The following CDC42SE2 variants were observed in gnomAD, a reference collection of about 807,000 sequenced individuals.
The protein encoded by CDC42SE2 is CDC42 small effector 2.
Under a neutral mutation model 11.5 loss-of-function variants are expected in CDC42SE2, and 3 were observed. That is an observed-to-expected ratio of 0.26 (90% CI 0.12 to 0.67). The LOEUF (loss-of-function observed/expected upper bound fraction) is 0.67. Among genes scored for constraint, CDC42SE2 ranks in the 30% least tolerant of loss-of-function variants. The pLI is 0.80. For synonymous variants in CDC42SE2, 33 were observed against 34.8 expected, an observed-to-expected ratio of 0.95 and a Z score of 0.18; for missense variants, 82 against 106.8, an observed-to-expected ratio of 0.77 and a Z score of 1.02.
intron 1 of CDC42SE2, among the ~76,000 whole-genome samples, chr5:131,311,311 C>A (rs181790933): frequency 5.9e-5 from 9 of 151,812 alleles, no homozygotes; most frequent in South Asian, 2.1e-4. Flanking sequence ...CCGAGAGATC[C>A]GCTGTTAGTC....
chr5:131,236,976 A>G, the CDC42SE2 span, among the ~76,000 whole-genome samples: 6 of 152,300 alleles, frequency 3.9e-5, no homozygotes, highest in South Asian at 4.1e-4. Flanking sequence ...TTACTCCTCT[A>G]TTTCATATTT....
intron 1 of CDC42SE2, among the ~76,000 whole-genome samples, chr5:131,271,884 C>T (rs1256595338): frequency 6.6e-6 from 1 of 152,186 alleles, no homozygotes; most frequent in East Asian, 1.9e-4. Context: ...TCTGTTCCAG[C>T]ATACATCTGG....
At chr5:131,351,030 C>T (rs921930691) in intron 2 of CDC42SE2, among the ~76,000 whole-genome samples, 2 of 152,024 alleles carry the variant, frequency 1.3e-5, no homozygotes, top group Admixed American at 6.6e-5. Flanking sequence ...ACTGCAGCCT[C>T]AACCTCCCAG....
chr5:131,242,911 C>A (rs769464897), upstream of CDC42SE2, among the ~76,000 whole-genome samples: 37 of 152,132 alleles, frequency 2.4e-4, no homozygotes, highest in Non-Finnish European at 4.3e-4. Context: ...ACATTGTGAA[C>A]AAAGGGCACA....
intron 1 of CDC42SE2, among the ~76,000 whole-genome samples, chr5:131,306,163 G>C (rs569815173): frequency 7.2e-5 from 11 of 152,294 alleles, no homozygotes; most frequent in African/African-American, 2.6e-4. Context: ...GTGCCGTCCT[G>C]CCTTGTCCTG....
At chr5:131,312,798 C>T (rs1757953258) in intron 1 of CDC42SE2, among the ~76,000 whole-genome samples, 1 of 152,116 alleles carries the variant, frequency 6.6e-6, no homozygotes, top group African/African-American at 2.4e-5. Context: ...CCTACTTTGG[C>T]TTGCAAACGG....
At chr5:131,311,636 T>G (rs1025551190) in intron 1 of CDC42SE2, among the ~76,000 whole-genome samples, 1 of 152,200 alleles carries the variant, frequency 6.6e-6, no homozygotes, top group Non-Finnish European at 1.5e-5. Flanking sequence ...AAGACTTTGC[T>G]CGTTTCTTTT....
At chr5:131,327,129 AACTC>A (rs895079321) in intron 2 of CDC42SE2, among the ~76,000 whole-genome samples, 2 of 152,186 alleles carry the variant, frequency 1.3e-5, no homozygotes, top group Non-Finnish European at 2.9e-5. Context: ...CCTTTTGACT[AACTC>A]CATTCCTGCT....
chr5:131,392,357 G>T lies in CDC42SE2; in HGVS notation c.*1266G>T, dbSNP rs886966972. 4 of 152,670 alleles carry T rather than the reference G, an allele frequency of 2.6e-5. No individual in the cohort carries two copies. Among genetic ancestry groups the T allele is most frequent in the African/African-American group, 9.7e-5 (4 of 41,414 alleles). 9.5% of individuals were successfully genotyped at this position (152,670 alleles called of 1,614,324 possible). A position where few individuals can be genotyped will look rare whatever the true frequency, so the allele number is the denominator to read the frequency against. ...AGATATCTGCATGCTTTATGAAGTTGTTGCTTCGGTAAGAGCCCATGGGAT... is the reference window on the plus strand; with the variant it reads ...AGATATCTGCATGCTTTATGAAGTTTTTGCTTCGGTAAGAGCCCATGGGAT... On this transcript the variant is annotated 3_prime_UTR_variant, in exon 5 of 5. Coordinates refer to ENST00000505065, the MANE Select transcript of CDC42SE2 (RefSeq NM_001375635.1).
chr5:131,387,158 TAA>T (rs1750511492), intron 4 of CDC42SE2, among the ~76,000 whole-genome samples: 1 of 152,186 alleles, frequency 6.6e-6, no homozygotes, highest in Admixed American at 6.5e-5. Context: ...GTTACTATAA[TAA>T]AGAGAATGGG....
At position 131,391,145 on chromosome 5, in the gene CDC42SE2, A is replaced by AT; in HGVS notation, c.*54_*55insT. On this transcript the variant is annotated 3_prime_UTR_variant, in exon 5 of 5. Coordinates refer to ENST00000505065, the MANE Select transcript of CDC42SE2 (RefSeq NM_001375635.1). ...GAGCTGGGGTCTGGACCTGACGGCCAGACATGGCCAGGCCAATAATAGTAA... is the reference window on the plus strand; with the variant it reads ...GAGCTGGGGTCTGGACCTGACGGCCATGACATGGCCAGGCCAATAATAGTAA... The AT allele has an allele frequency of 8.1e-7, 1 of 1,232,888 alleles. No homozygotes were observed. The highest frequency in any genetic ancestry group is 1.2e-6 in the Non-Finnish European group (1 of 849,930). The allele number at this position is 1,232,888 out of a possible 1,614,324, so 76.4% of individuals were successfully genotyped here. A position where few individuals can be genotyped will look rare whatever the true frequency, so the allele number is the denominator to read the frequency against.
intron 1 of CDC42SE2, among the ~76,000 whole-genome samples, chr5:131,284,008 G>A (rs1053410271): frequency 2.6e-5 from 4 of 152,118 alleles, no homozygotes; most frequent in Non-Finnish European, 5.9e-5. Context: ...GGGTTGTATG[G>A]TAACTCTGTG....
intron 2 of CDC42SE2, among the ~76,000 whole-genome samples, chr5:131,321,873 C>T (rs985945501): frequency 3.3e-5 from 5 of 152,156 alleles, no homozygotes; most frequent in South Asian, 2.1e-4. Context: ...TGTTTTGAGA[C>T]GGAGTCTCGC....
At chr5:131,332,353 A>C (rs889019156) in intron 2 of CDC42SE2, among the ~76,000 whole-genome samples, 11 of 152,144 alleles carry the variant, frequency 7.2e-5, no homozygotes, top group Non-Finnish European at 1.6e-4. Flanking sequence ...ACATTTTCTT[A>C]ATCCAGTCTA....
intron 2 of CDC42SE2, among the ~76,000 whole-genome samples, chr5:131,341,895 C>T (rs1166422039): frequency 8.7e-6 from 1 of 115,580 alleles, no homozygotes; most frequent in Non-Finnish European, 1.7e-5. Context: ...ACTCTTGTCT[C>T]AATAAAAAAA....
chr5:131,314,499 C>T (rs1219487306), intron 1 of CDC42SE2, among the ~76,000 whole-genome samples: 4 of 152,076 alleles, frequency 2.6e-5, no homozygotes, highest in Non-Finnish European at 5.9e-5. Flanking sequence ...CCCTGGCCTC[C>T]CAGAGTGCTG....
At chr5:131,239,934 AG>A in the CDC42SE2 span, among the ~76,000 whole-genome samples, 1 of 152,182 alleles carries the variant, frequency 6.6e-6, no homozygotes. Context: ...TGCTTTCTTA[AG>A]GAAGTATCAG....
intron 1 of CDC42SE2, among the ~76,000 whole-genome samples, chr5:131,308,852 T>C (rs140767320): frequency 0.014 from 2,121 of 152,182 alleles, 48 homozygotes; most frequent in African/African-American, 0.047. Context: ...TGGGCTGAGA[T>C]GATGGGGTTT....
At chr5:131,242,954 G>A (rs1475899973), upstream of CDC42SE2, among the ~76,000 whole-genome samples, 1 of 152,170 alleles carries the variant, frequency 6.6e-6, no homozygotes, top group African/African-American at 2.4e-5. Context: ...AATTATCTAA[G>A]CCTAGTTCTT....
Sources: allele counts gnomAD v4.1 joint callset (sites outside exome capture counted in the v4.1 genomes callset), GRCh38; gene constraint gnomAD v4.1.1; transcripts MANE v1.5; gene names NCBI Gene and HGNC (gene_info 2026-07-23, HGNC 2026-07-21).